The following WDR35 variants were observed in gnomAD, a reference collection of about 807,000 sequenced individuals.
WDR35 encodes WD repeat domain 35.
In WDR35, 118 loss-of-function variants were observed where a neutral mutation model predicts 158.3. The observed-to-expected ratio is 0.75, with a 90% CI of 0.64 to 0.87. The LOEUF (loss-of-function observed/expected upper bound fraction) is 0.87, where lower values mean the gene tolerates loss of function less well. Ranked by LOEUF, WDR35 falls within the 40% of genes least tolerant of loss-of-function variation. The pLI is 0.00. For synonymous variants in WDR35, 448 were observed against 476.1 expected (o/e 0.94, Z 0.77); for missense variants, 1,263 against 1,405.8 (o/e 0.90, Z 1.62).
Position 19,931,541 on chromosome 2 carries a change from C to T in WDR35, c.2824-132G>A. 5.2e-6 allele frequency: 5 copies of T among 953,844 alleles called. No homozygotes were observed. The East Asian group carries it at 1.3e-4, about 25-fold the overall frequency. 59.1% of individuals were successfully genotyped at this position (953,844 alleles called of 1,614,324 possible). ...CAGTAAGATGGAATATAAATATCAC[C>T]TATTTAAGATAAATATTTTAAAACC... On this transcript the variant is annotated intron_variant, in intron 23 of 26. Coordinates refer to ENST00000281405, the MANE Select transcript of WDR35 (RefSeq NM_020779.4).
intron 4 of WDR35, among the ~76,000 whole-genome samples, 177 bp downstream of exon 4, chr2:19,980,514 T>G (rs753630657): frequency 6.6e-6 from 1 of 152,212 alleles, no homozygotes; most frequent in African/African-American, 2.4e-5. Flanking sequence ...GGTTAAAGTT[T>G]TAAAAAAGTG....
At chr2:19,960,678 TAA>T (rs1189434036) in intron 10 of WDR35, 64 bp from the exon 11 acceptor site, 2 of 1,211,262 alleles carry the variant, frequency 1.7e-6, no homozygotes, top group Non-Finnish European at 2.4e-6. Context: ...GAAATATGCT[TAA>T]TATATATCAT....
chr2:19,988,559 T>C (rs549706631), intron 2 of WDR35, among the ~76,000 whole-genome samples: 3 of 152,324 alleles, frequency 2.0e-5, no homozygotes, highest in Admixed American at 1.3e-4. Flanking sequence ...CTCAGCTAAC[T>C]TGTTGAAAGT....
intron 10 of WDR35, among the ~76,000 whole-genome samples, chr2:19,964,367 CTTTCT>C (rs1671770126): frequency 8.0e-6 from 1 of 124,730 alleles, no homozygotes; most frequent in African/African-American, 3.0e-5. Context: ...TTTCTTTTTT[CTTTCT>C]TTTCTTTTCT....
intron 19 of WDR35, among the ~76,000 whole-genome samples, chr2:19,937,341 C>T (rs535632358): frequency 1.6e-4 from 25 of 152,276 alleles, no homozygotes; most frequent in Middle Eastern, 3.4e-3. Context: ...GAACTAATCT[C>T]GATCCCTAAC....
In WDR35 at chr2:19,973,681, T is replaced by C. The variant is rs1228498799; in HGVS notation, c.764A>G (p.Tyr255Cys). Reference protein sequence around the residue: ...QNPVLIDTGMYVVGIQWNHMG... With the variant: ...QNPVLIDTGMCVVGIQWNHMG... ...GTGGTTCCACTGGATGCCTACTACG[T>C]ACATGCCAGTGTCAATCAAAACGGG... Residue 255 changes from tyrosine (Y) to cysteine (C), a missense_variant, in exon 8 of 27, where the codon TAC (tyrosine) becomes TGC (cysteine). Physicochemically the swap from Tyr to Cys is radical, Grantham distance 194. Transcript: ENST00000281405. 6 of 1,614,136 alleles carry C rather than the reference T, an allele frequency of 3.7e-6. No homozygotes were observed. The Admixed American group carries it at 6.7e-5, about 18-fold the overall frequency.
intron 3 of WDR35, among the ~76,000 whole-genome samples, chr2:19,981,467 G>A (rs749655703): frequency 3.3e-5 from 5 of 152,018 alleles, no homozygotes; most frequent in African/African-American, 7.3e-5. Flanking sequence ...CTCATTCCAA[G>A]ATCCAATCTA....
intron 18 of WDR35, 81 bp downstream of exon 18, chr2:19,938,184 T>G: frequency 6.4e-7 from 1 of 1,562,436 alleles, no homozygotes; most frequent in Admixed American, 1.7e-5. Context: ...ATCAGGAGGA[T>G]AGTAGGGGAG....
At chr2:19,962,302 C>A (rs1671688383) in intron 10 of WDR35, 2 of 1,613,094 alleles carry the variant, frequency 1.2e-6, no homozygotes, top group Non-Finnish European at 1.7e-6. Context: ...TACCGTTGCA[C>A]CAAATGTCTC....
intron 12 of WDR35, among the ~76,000 whole-genome samples, chr2:19,952,188 T>C (rs1671260222): frequency 6.6e-6 from 1 of 152,148 alleles, no homozygotes; most frequent in South Asian, 2.1e-4. Flanking sequence ...CTTCTGAGTC[T>C]CCAATGTCTA....
At chr2:19,979,000 A>G (rs774632623) in intron 4 of WDR35, 121 bp from the exon 5 acceptor site, 3 of 1,235,342 alleles carry the variant, frequency 2.4e-6, no homozygotes, top group South Asian at 1.3e-5. Flanking sequence ...GTTTTCTACA[A>G]CCTGAGACAT....
In WDR35 at chr2:19,973,608, C is replaced by T. The variant is rs764069624; in HGVS notation, c.837G>A (p.Gln279=). Reference sequence around the variant, plus strand: ...ACTGCACAATGTTCACATCTTTGTCCTGCATGGCTGCCTTCTGGAAGCCTG... The same window carrying T: ...ACTGCACAATGTTCACATCTTTGTCTTGCATGGCTGCCTTCTGGAAGCCTG... ...AVAGFQKAAM[Q]DKDVNIVQFY... Residue 279 remains glutamine (Q), a synonymous_variant, in exon 8 of 27, where the codon CAG becomes CAA. Transcript: ENST00000281405. 56 of 1,614,076 alleles carry T rather than the reference C, an allele frequency of 3.5e-5. No individual in the cohort carries two copies. The highest frequency in any genetic ancestry group is 8.3e-5 in the Admixed American group (5 of 60,012).
intron 10 of WDR35, 33 bp downstream of exon 10, chr2:19,966,691 C>T (rs1244712983): frequency 1.2e-6 from 2 of 1,610,742 alleles, no homozygotes; most frequent in Non-Finnish European, 1.7e-6. Context: ...GCAGTTAGCC[C>T]AGCTATGTCT....
intron 16 of WDR35, 41 bp downstream of exon 16, chr2:19,945,745 T>C (rs1671023695): frequency 1.2e-6 from 2 of 1,609,462 alleles, no homozygotes; most frequent in East Asian, 4.5e-5. Flanking sequence ...TATATTTGGC[T>C]CATTATTTAT....
At chr2:19,964,381 C>CTTTTTT (rs558586617) in intron 10 of WDR35, among the ~76,000 whole-genome samples, 1,838 of 113,424 alleles carry the variant, frequency 0.016, no homozygotes, top group Middle Eastern at 0.022. Flanking sequence ...CTTTTCTTTT[C>CTTTTTT]TTTTTTTTTT....
At chr2:19,969,294 C>T (rs1671958872) in intron 9 of WDR35, among the ~76,000 whole-genome samples, 186 bp downstream of exon 9, 1 of 152,216 alleles carries the variant, frequency 6.6e-6, no homozygotes, top group South Asian at 2.1e-4. Flanking sequence ...CTGGCTAAGA[C>T]TCATGGAGTA....
chr2:19,941,782 C>A lies in WDR35; in HGVS notation c.1903G>T (p.Val635Phe). ...CNFEDLEIKS[V>F]LLDEILKDPE... ...ACCTTTAATATCTCATCCAAAAGAA[C>A]AGATTTAATTTCTAAATCCTCAAAA... is the stretch of plus-strand genomic sequence containing the variant. The change falls in exon 17 of 27, where the codon GTT (valine) becomes TTT (phenylalanine). Residue 635 changes from valine (V) to phenylalanine (F), a missense_variant. Transcript: ENST00000281405. 6.4e-7 allele frequency: 1 copy of A among 1,568,302 alleles called. No individual in the cohort carries two copies. Among genetic ancestry groups the A allele is most frequent in the South Asian group, 1.1e-5 (1 of 87,754 alleles).
At chr2:19,971,133 C>T (rs569147003) in intron 8 of WDR35, among the ~76,000 whole-genome samples, 65 of 152,078 alleles carry the variant, frequency 4.3e-4, no homozygotes, top group African/African-American at 1.4e-3. Context: ...ATAAGGCAAT[C>T]GAACATTTTT....
chr2:19,960,376 T>C (rs1671601306), intron 11 of WDR35, among the ~76,000 whole-genome samples, 178 bp downstream of exon 11: 6 of 152,114 alleles, frequency 3.9e-5, no homozygotes, highest in Admixed American at 2.6e-4. Flanking sequence ...AAATGGGATA[T>C]TAAGAATTCT....
Sources: allele counts gnomAD v4.1 joint callset (sites outside exome capture counted in the v4.1 genomes callset), GRCh38; gene constraint gnomAD v4.1.1; transcripts MANE v1.5; gene names NCBI Gene and HGNC (gene_info 2026-07-23, HGNC 2026-07-21).